Variants in TCN2 observed in about 807,000 individuals in gnomAD.
TCN2 encodes transcobalamin-2.
TCN2 carries 34 observed loss-of-function variants against 48.6 expected under a neutral mutation model. The observed-to-expected ratio is 0.70, with a 90% confidence interval of 0.53 to 0.93. The LOEUF (loss-of-function observed/expected upper bound fraction) is 0.93, where lower values mean the gene tolerates loss of function less well. Among genes scored for constraint, TCN2 ranks in the 40% least tolerant of loss-of-function variants. The probability of loss-of-function intolerance (pLI) is 0.00; values close to 1 mark genes in which losing one functional copy is unlikely to be tolerated. For synonymous variants in TCN2, 283 were observed against 212.5 expected, an observed-to-expected ratio of 1.33 and a Z score of -2.89; for missense variants, 652 against 526.1, an observed-to-expected ratio of 1.24 and a Z score of -2.34.
chr22:30,625,993 C>T (rs2087802964), intron 8 of TCN2, among the ~76,000 whole-genome samples: 1 of 152,168 alleles, frequency 6.6e-6, no homozygotes, highest in Non-Finnish European at 1.5e-5. Flanking sequence ...TGCATTCCCA[C>T]ATCACCAACA....
At chr22:30,626,283 G>C (rs1232527483) in intron 8 of TCN2, among the ~76,000 whole-genome samples, 177 bp from the exon 9 acceptor site, 1 of 152,124 alleles carries the variant, frequency 6.6e-6, no homozygotes, top group Non-Finnish European at 1.5e-5. Context: ...CAGGAACCCT[G>C]TGGGAAGCTG....
In TCN2 at chr22:30,623,870, A is replaced by ATG. The variant is rs1226180414; in HGVS notation, c.1222+788_1222+789insGT. Among the ~76,000 whole-genome samples the ATG allele has an allele frequency of 2.4e-5, 2 of 84,220 alleles. 1 individual carries two copies. The highest frequency in any genetic ancestry group is 4.0e-5 in the Non-Finnish European group (2 of 49,410). The allele number at this position is 84,220 out of a possible 152,430, so 55.3% of individuals were successfully genotyped here. On this transcript the variant is annotated intron_variant, in intron 8 of 8. Transcript: ENST00000215838. ...TACATACACATACATACACACATAT[A>ATG]TACACACATATATACACACATATAT...
chr22:30,611,308 C>T (rs1028605527), intron 2 of TCN2, among the ~76,000 whole-genome samples: 3 of 152,192 alleles, frequency 2.0e-5, no homozygotes, highest in Middle Eastern at 3.2e-3. Flanking sequence ...ATAACTAATC[C>T]GTGACTATAC....
intron 6 of TCN2, among the ~76,000 whole-genome samples, chr22:30,617,118 GAGGCCGGGA>G (rs2087622456): frequency 1.3e-5 from 2 of 151,328 alleles, no homozygotes; most frequent in African/African-American, 4.9e-5. Context: ...AGGGACAGGG[GAGGCCGGGA>G]TGGAAGCCAG....
intron 6 of TCN2, among the ~76,000 whole-genome samples, chr22:30,616,508 GAGA>G (rs2087614799): frequency 2.8e-5 from 4 of 143,102 alleles, no homozygotes; most frequent in East Asian, 2.1e-4. Flanking sequence ...AAAAAAAATG[GAGA>G]AGAAGGAAGC....
chr22:30,608,890 A>G (rs2087493229), intron 1 of TCN2, among the ~76,000 whole-genome samples: 2 of 152,072 alleles, frequency 1.3e-5, no homozygotes. Context: ...AGGAGCCCCA[A>G]TCCCTTGGGG....
chr22:30,616,156 G>C (rs1262209757), intron 6 of TCN2, among the ~76,000 whole-genome samples: 1 of 152,116 alleles, frequency 6.6e-6, no homozygotes, highest in Non-Finnish European at 1.5e-5. Flanking sequence ...TCTGAGAGAG[G>C]GTCTGAGGAC....
chr22:30,617,701 T>C, intron 7 of TCN2: 1 of 676,462 alleles, frequency 1.5e-6, no homozygotes, highest in East Asian at 3.0e-5. Flanking sequence ...GAGAGCAGGC[T>C]TTGGAGGCAG....
chr22:30,617,084 C>A (rs746239324), intron 6 of TCN2, among the ~76,000 whole-genome samples: 9 of 151,778 alleles, frequency 5.9e-5, no homozygotes, highest in Non-Finnish European at 1.3e-4. Flanking sequence ...CAGTGAGGGG[C>A]CTGATCTTGG....
At chr22:30,625,884 T>TG (rs1569048376) in intron 8 of TCN2, among the ~76,000 whole-genome samples, 2 of 152,162 alleles carry the variant, frequency 1.3e-5, no homozygotes, top group Admixed American at 1.3e-4. Flanking sequence ...ATATACATTT[T>TG]GGGGGGACAC....
Position 30,623,957 on chromosome 22 carries a change from C to CATATACACACACACACATATGTAT in TCN2, c.1222+879_1222+880insCACACACACACATATGTATATATA, listed in dbSNP as rs2087757902. Among the ~76,000 whole-genome samples the CATATACACACACACACATATGTAT allele has an allele frequency of 6.8e-5, 6 of 88,810 alleles. 2 individuals carry two copies. Among genetic ancestry groups the CATATACACACACACACATATGTAT allele is most frequent in the Non-Finnish European group, 1.3e-4 (6 of 47,226 alleles). The allele number at this position is 88,810 out of a possible 152,430, so 58.3% of individuals were successfully genotyped here. On this transcript the variant is annotated intron_variant, in intron 8 of 8. Coordinates refer to ENST00000215838, the MANE Select transcript of TCN2 (RefSeq NM_000355.4). ...ATATATACACACACACATATGTATA[C>CATATACACACACACACATATGTAT]ATATATACACACACATATATATGTA...
chr22:30,625,025 T>A (rs2145561634), intron 8 of TCN2, among the ~76,000 whole-genome samples: 1 of 152,324 alleles, frequency 6.6e-6, no homozygotes, highest in East Asian at 1.9e-4. Context: ...AAGACTAGCC[T>A]GACCAACATG....
intron 7 of TCN2, chr22:30,617,720 A>C (rs773659801): frequency 1.7e-5 from 10 of 591,922 alleles, no homozygotes; most frequent in African/African-American, 3.7e-5. Flanking sequence ...AGAGCCCCCC[A>C]GTTGGAATCC....
At chr22:30,608,944 C>T (rs1466446652) in intron 1 of TCN2, among the ~76,000 whole-genome samples, 1 of 152,178 alleles carries the variant, frequency 6.6e-6, no homozygotes, top group Non-Finnish European at 1.5e-5. Flanking sequence ...AATATCTGCA[C>T]TGAGTCACTT....
intron 1 of TCN2, among the ~76,000 whole-genome samples, chr22:30,610,071 CTCAAG>C (rs1237627460): frequency 1.3e-5 from 2 of 152,202 alleles, no homozygotes; most frequent in African/African-American, 2.4e-5. Flanking sequence ...CTGTGCTGAG[CTCAAG>C]TCCCTTGGAA....
intron 4 of TCN2, among the ~76,000 whole-genome samples, chr22:30,614,919 T>A (rs1404908093): frequency 2.0e-5 from 3 of 151,818 alleles, no homozygotes; most frequent in Non-Finnish European, 4.4e-5. Context: ...TCTCAAAAAA[T>A]AAAAAATAAA....
Position 30,626,725 on chromosome 22 carries a change from C to T in TCN2, c.*204C>T, listed in dbSNP as rs1326233591. 1 of 641,334 alleles carries T rather than the reference C, an allele frequency of 1.6e-6. No individual in the cohort carries two copies. Among genetic ancestry groups the T allele is most frequent in the Admixed American group, 2.5e-5 (1 of 40,398 alleles). 39.7% of individuals were successfully genotyped at this position (641,334 alleles called of 1,614,324 possible). ...TTGGAGCAGAGAGCCAAGCATCTTC[C>T]CTGGGAAGTCTTTCTGGCCAAGTCT... is the stretch of plus-strand genomic sequence containing the variant. On this transcript the variant is annotated 3_prime_UTR_variant, in exon 9 of 9. Coordinates refer to ENST00000215838, the MANE Select transcript of TCN2 (RefSeq NM_000355.4).
chr22:30,607,281 C>T lies in TCN2; in HGVS notation c.-51C>T, dbSNP rs1366317806. ...TCAGGAGAGCCTCAGCAGGGCCAGC[C>T]CCAGGAGTCTTTCCCGATTCTTGCT... On this transcript the variant is annotated 5_prime_UTR_variant, in exon 1 of 9. Coordinates refer to ENST00000215838, the MANE Select transcript of TCN2 (RefSeq NM_000355.4). The T allele has an allele frequency of 3.1e-6, 5 of 1,608,218 alleles. No individual in the cohort carries two copies. Among genetic ancestry groups the T allele is most frequent in the East Asian group, 2.2e-5 (1 of 44,834 alleles).
intron 1 of TCN2, chr22:30,610,275 A>G (rs1388017221): frequency 1.7e-5 from 8 of 471,020 alleles, no homozygotes; most frequent in Non-Finnish European, 3.5e-5. Flanking sequence ...TGCATGGAGG[A>G]AGTTCACCAG....
Sources: gnomAD v4.1 joint callset for allele counts (sites outside exome capture counted in the v4.1 genomes callset) on GRCh38, gnomAD v4.1.1 for gene constraint, MANE v1.5 for transcripts, NCBI Gene and HGNC (gene_info 2026-07-23, HGNC 2026-07-21) for gene names.